The following RORA variants were observed in gnomAD, a reference collection of about 807,000 sequenced individuals.
RORA encodes nuclear receptor ROR-alpha.
Under a neutral mutation model 69.5 loss-of-function variants are expected in RORA, and 7 were observed. That is an observed-to-expected ratio of 0.10 (90% CI 0.06 to 0.19). The LOEUF (loss-of-function observed/expected upper bound fraction) is 0.19, where lower values mean the gene tolerates loss of function less well. Ranked by LOEUF, RORA falls within the 10% of genes least tolerant of loss-of-function variation. The probability of loss-of-function intolerance (pLI) is 1.00; values close to 1 mark genes in which losing one functional copy is unlikely to be tolerated. For missense variants in RORA, 457 were observed against 663.0 expected (o/e 0.69, Z 3.41); for synonymous variants, 261 against 240.8 (o/e 1.08, Z -0.78).
intron 3 of RORA, among the ~76,000 whole-genome samples, chr15:60,519,627 C>G (rs1286034518): frequency 6.6e-6 from 1 of 152,118 alleles, no homozygotes; most frequent in Non-Finnish European, 1.5e-5. Context: ...AGTGTTTTCC[C>G]TCACTTTAGC....
chr15:60,926,479 T>C (rs749732207), intron 1 of RORA, among the ~76,000 whole-genome samples: 13 of 152,246 alleles, frequency 8.5e-5, no homozygotes, highest in Non-Finnish European at 1.5e-4. Flanking sequence ...CTTGGGTGCA[T>C]TGACTTCCCA....
Position 61,030,953 on chromosome 15 carries a change from T to G in RORA, c.166+198100A>C, listed in dbSNP as rs986596777. 7.9e-5 allele frequency among the ~76,000 whole-genome samples: 12 copies of G among 152,322 alleles called. No homozygotes were observed. The East Asian group carries it at 1.2e-3, about 15-fold the overall frequency. ...TATGTGTGTATAAAAAATATGCATA[T>G]GCACACATACACATGTATATTTCAT... On this transcript the variant is annotated intron_variant, in intron 1 of 10. Coordinates refer to ENST00000335670, the MANE Select transcript of RORA (RefSeq NM_134261.3).
chr15:60,745,775 T>C (rs530325318), intron 1 of RORA, among the ~76,000 whole-genome samples: 3 of 152,298 alleles, frequency 2.0e-5, no homozygotes, highest in South Asian at 2.1e-4. Context: ...TTCATTTTTT[T>C]CCCTCCTGCA....
At chr15:60,986,951 CAT>C (rs1894221991) in intron 1 of RORA, among the ~76,000 whole-genome samples, 1 of 152,136 alleles carries the variant, frequency 6.6e-6, no homozygotes, top group Admixed American at 6.5e-5. Context: ...TTGGTTTTTT[CAT>C]ATGTTTGTTT....
chr15:61,118,156 CATT>C (rs1431237141), intron 1 of RORA, among the ~76,000 whole-genome samples: 1 of 151,976 alleles, frequency 6.6e-6, no homozygotes, highest in Non-Finnish European at 1.5e-5. Context: ...GTGGTGGGAA[CATT>C]AATACAGATA....
At position 60,559,064 on chromosome 15, in the gene RORA, AAAC is replaced by A. The variant is rs368521390; in HGVS notation, c.197-27216_197-27214del. ...ACTTTATAAATAATAAAAATCTTAT[AAAC>A]AACAAAATCTAATAAAAATCAAATA... On this transcript the variant is annotated intron_variant, in intron 2 of 10. Coordinates refer to ENST00000335670, the MANE Select transcript of RORA (RefSeq NM_134261.3). Among the ~76,000 whole-genome samples the A allele has an allele frequency of 1.9e-3, 291 of 152,296 alleles. 2 individuals are homozygous for A. Among genetic ancestry groups the A allele is most frequent in the Non-Finnish European group, 4.7e-4 (32 of 68,020 alleles).
intron 2 of RORA, among the ~76,000 whole-genome samples, chr15:60,624,093 C>G (rs2069497689): frequency 1.3e-5 from 2 of 152,080 alleles, no homozygotes; most frequent in Admixed American, 1.3e-4. Flanking sequence ...AGGACAATTA[C>G]TCACTGGTGG....
At chr15:61,218,076 T>G (rs1393022139) in intron 1 of RORA, among the ~76,000 whole-genome samples, 1 of 151,992 alleles carries the variant, frequency 6.6e-6, no homozygotes, top group Admixed American at 6.6e-5. Flanking sequence ...CATAAATAGA[T>G]CATGAAACCA....
chr15:60,817,340 C>T (rs974122582), intron 1 of RORA, among the ~76,000 whole-genome samples: 2 of 152,108 alleles, frequency 1.3e-5, no homozygotes, highest in East Asian at 3.8e-4. Flanking sequence ...TACTTTATTG[C>T]TAAAAAGCTG....
chr15:60,914,680 C>T (rs1400639729), intron 1 of RORA, among the ~76,000 whole-genome samples: 1 of 152,148 alleles, frequency 6.6e-6, no homozygotes, highest in African/African-American at 2.4e-5. Flanking sequence ...TTCTATTGAA[C>T]ATCTCACTTG....
chr15:60,950,874 G>C (rs1893073277), intron 1 of RORA, among the ~76,000 whole-genome samples: 2 of 140,290 alleles, frequency 1.4e-5, no homozygotes, highest in Non-Finnish European at 1.5e-5. Context: ...ACATTAGACA[G>C]ATCAACGAGA....
At chr15:60,873,764 G>T (rs2140438590) in intron 1 of RORA, among the ~76,000 whole-genome samples, 1 of 152,302 alleles carries the variant, frequency 6.6e-6, no homozygotes, top group Non-Finnish European at 1.5e-5. Flanking sequence ...CTATTAAGTT[G>T]AAATGCAGCT....
chr15:61,057,821 G>A (rs1282455095), intron 1 of RORA, among the ~76,000 whole-genome samples: 1 of 152,192 alleles, frequency 6.6e-6, no homozygotes, highest in African/African-American at 2.4e-5. Context: ...TAGATGGCTT[G>A]AAACTCTAGG....
At chr15:61,190,553 G>A (rs1436386807) in intron 1 of RORA, among the ~76,000 whole-genome samples, 3 of 152,154 alleles carry the variant, frequency 2.0e-5, no homozygotes, top group African/African-American at 7.2e-5. Context: ...TTGAGCCCAG[G>A]AGTTTGAGAC....
intron 1 of RORA, among the ~76,000 whole-genome samples, chr15:60,955,976 A>G (rs2140338524): frequency 6.6e-6 from 1 of 152,370 alleles, no homozygotes; most frequent in Middle Eastern, 3.4e-3. Flanking sequence ...AAACAGTTAG[A>G]AAATAATGAA....
At chr15:60,977,783 T>C (rs1183713044) in intron 1 of RORA, among the ~76,000 whole-genome samples, 14 of 152,246 alleles carry the variant, frequency 9.2e-5, no homozygotes. Flanking sequence ...GTAGCATGTA[T>C]CAGTATTCCC....
chr15:60,568,499 G>A (rs1413749063), intron 2 of RORA, among the ~76,000 whole-genome samples: 2 of 152,230 alleles, frequency 1.3e-5, no homozygotes, highest in East Asian at 3.9e-4. Context: ...CCGGCTCAGT[G>A]TGGTGTCAGA....
chr15:61,083,275 T>C (rs959408998), intron 1 of RORA, among the ~76,000 whole-genome samples: 2 of 152,178 alleles, frequency 1.3e-5, no homozygotes, highest in Middle Eastern at 3.2e-3. Context: ...TCACTAATAG[T>C]GACCATGTTA....
At chr15:61,077,540 C>T (rs1474978740) in intron 1 of RORA, among the ~76,000 whole-genome samples, 2 of 152,166 alleles carry the variant, frequency 1.3e-5, no homozygotes, top group Admixed American at 6.5e-5. Flanking sequence ...AGCCATGACC[C>T]TCTGTCTAGG....
Sources: allele counts gnomAD v4.1 joint callset (sites outside exome capture counted in the v4.1 genomes callset), GRCh38; gene constraint gnomAD v4.1.1; transcripts MANE v1.5; gene names NCBI Gene and HGNC (gene_info 2026-07-23, HGNC 2026-07-21).